CNTNAP3: variants seen among roughly 807,000 people sequenced by gnomAD.
CNTNAP3 encodes contactin-associated protein-like 3.
Under a neutral mutation model 92.1 loss-of-function variants are expected in CNTNAP3, and 36 were observed. The ratio of observed to expected loss-of-function variants is 0.39; its 90% confidence interval spans 0.30 to 0.52. The LOEUF is 0.52. CNTNAP3 is among the 20% of genes least tolerant of loss of function. The pLI is 0.76. For missense variants in CNTNAP3, 534 were observed against 1,069.6 expected (o/e 0.50, Z 6.98); for synonymous variants, 232 against 422.3 (o/e 0.55, Z 5.53).
Position 39,132,982 on chromosome 9 carries a change from T to C in CNTNAP3, c.2030A>G (p.Glu677Gly), listed in dbSNP as rs756606265. 1.9e-5 allele frequency: 29 copies of C among 1,542,122 alleles called. No homozygotes were observed. Among genetic ancestry groups the C allele is most frequent in the South Asian group, 4.7e-5 (4 of 84,796 alleles). Residue 677 changes from glutamate to glycine, a missense_variant, in exon 13 of 24, where the codon GAG becomes GGG. Glu to Gly is a moderately conservative substitution (Grantham distance 98, BLOSUM62 -2). Coordinates refer to ENST00000297668, the MANE Select transcript of CNTNAP3 (RefSeq NM_033655.5). ...RSAVNLAERC[E>G]QRLALRCGTA... ...CCCGCAGCGCAGAGCCAGCCGCTGC[T>C]CGCAGCGCTCCGCCAGGTTCACCGC...
chr9:39,080,296 C>A (rs1481893227), intron 21 of CNTNAP3, among the ~76,000 whole-genome samples: 1 of 138,286 alleles, frequency 7.2e-6, no homozygotes, highest in Admixed American at 6.9e-5. Context: ...CCTTTCTCAT[C>A]CCTCTCACCA....
chr9:39,130,067 G>C (rs569735454), intron 13 of CNTNAP3, among the ~76,000 whole-genome samples: 3 of 152,224 alleles, frequency 2.0e-5, no homozygotes, highest in Non-Finnish European at 2.9e-5. Context: ...AACCATTCTA[G>C]AAAACAATTT....
At chr9:39,079,103 A>G (rs1181278164) in intron 21 of CNTNAP3, among the ~76,000 whole-genome samples, 183 bp from the exon 22 acceptor site, 1 of 151,922 alleles carries the variant, frequency 6.6e-6, no homozygotes, top group African/African-American at 2.4e-5. Flanking sequence ...AACTATTTCC[A>G]TTGTCAGGGT....
chr9:39,161,656 C>CAATAATAATAAT (rs4062749), intron 9 of CNTNAP3, among the ~76,000 whole-genome samples: 51 of 124,382 alleles, frequency 4.1e-4, no homozygotes, highest in South Asian at 1.4e-3. Context: ...TCTCTACAAA[C>CAATAATAATAAT]AATAATAATA....
At position 39,071,572 on chromosome 9, in the gene CNTNAP3, C is replaced by T. The variant is rs1825635342; in HGVS notation, c.*2318G>A. On this transcript the variant is annotated 3_prime_UTR_variant, in exon 24 of 24. Coordinates refer to ENST00000297668, the MANE Select transcript of CNTNAP3 (RefSeq NM_033655.5). ...AAGTTGGGAAATTATTATGCTTTTA[C>T]TTTTATGTTACAAAAGGGTGTTACT... 6.6e-6 allele frequency among the ~76,000 whole-genome samples: 1 copy of T among 151,972 alleles called. No individual in the cohort carries two copies. The highest frequency in any genetic ancestry group is 1.5e-5 in the Non-Finnish European group (1 of 67,944).
intron 21 of CNTNAP3, among the ~76,000 whole-genome samples, chr9:39,083,793 C>T (rs1692834): frequency 0.26 from 33,647 of 129,720 alleles, 3,897 homozygotes; most frequent in East Asian, 0.41. Context: ...TTTTAGGTGT[C>T]TGCATTCTTT....
At chr9:39,136,858 C>T (rs1053392267) in intron 12 of CNTNAP3, among the ~76,000 whole-genome samples, 1 of 152,118 alleles carries the variant, frequency 6.6e-6, no homozygotes, top group African/African-American at 2.4e-5. Context: ...CAAGATCGTA[C>T]CATTGCACTC....
chr9:39,120,573 G>C (rs986599013), intron 13 of CNTNAP3, among the ~76,000 whole-genome samples: 3 of 152,094 alleles, frequency 2.0e-5, no homozygotes, highest in African/African-American at 7.2e-5. Flanking sequence ...AGGAGGCTGA[G>C]GCAGGAGAAT....
rs919389087 is a variant in CNTNAP3 at position 39,096,130 on chromosome 9, T to G, written c.2995+3781A>C. 5.8e-5 allele frequency among the ~76,000 whole-genome samples: 8 copies of G among 138,558 alleles called. 1 individual carries two copies. The highest frequency in any genetic ancestry group is 4.9e-4 in the Admixed American group (7 of 14,300). The allele number at this position is 138,558 out of a possible 152,430, so 90.9% of individuals were successfully genotyped here. A position where few individuals can be genotyped will look rare whatever the true frequency, so the allele number is the denominator to read the frequency against. On this transcript the variant is annotated intron_variant, in intron 18 of 23. Transcript: ENST00000297668. ...AGGCCCAACAATGAAAATATATACA[T>G]TATATATTTGTATATTCTCTATTAT...
intron 13 of CNTNAP3, among the ~76,000 whole-genome samples, chr9:39,126,091 C>A (rs948819521): frequency 3.3e-5 from 5 of 152,110 alleles, no homozygotes; most frequent in African/African-American, 4.8e-5. Flanking sequence ...TAAGTTAAAC[C>A]ACATTCTAGG....
chr9:39,119,674 G>A (rs1266972676), intron 13 of CNTNAP3, among the ~76,000 whole-genome samples: 1 of 152,070 alleles, frequency 6.6e-6, no homozygotes, highest in Non-Finnish European at 1.5e-5. Context: ...CTTCTACACT[G>A]ATAAAAGATC....
At chr9:39,102,152 C>A (rs376477570) in intron 17 of CNTNAP3, among the ~76,000 whole-genome samples, 10 of 152,330 alleles carry the variant, frequency 6.6e-5, no homozygotes, top group East Asian at 1.9e-4. Context: ...GTGGCACCTG[C>A]GCCTGTAATC....
intron 18 of CNTNAP3, among the ~76,000 whole-genome samples, chr9:39,094,351 T>C (rs1394553921): frequency 6.6e-6 from 1 of 151,648 alleles, no homozygotes; most frequent in African/African-American, 2.4e-5. Context: ...TACACAGAAG[T>C]TGTTAATTTT....
Position 39,067,708 on chromosome 9 carries a change from G to C in CNTNAP3, c.*6182C>G, listed in dbSNP as rs1243652118. Among the ~76,000 whole-genome samples, 28 of 152,128 alleles carry C rather than the reference G, an allele frequency of 1.8e-4. No individual in the cohort carries two copies. The highest frequency in any genetic ancestry group is 3.4e-3 in the Middle Eastern group (1 of 290). Reference sequence around the variant, plus strand: ...ACTGTGCCCGGCCTGGTGTTGGATAGTTTTATGTTACTGGAAATACATGTG... The same window carrying C: ...ACTGTGCCCGGCCTGGTGTTGGATACTTTTATGTTACTGGAAATACATGTG... On this transcript the variant is annotated 3_prime_UTR_variant, in exon 24 of 24. Coordinates refer to ENST00000297668, the MANE Select transcript of CNTNAP3 (RefSeq NM_033655.5).
At chr9:39,137,392 T>C (rs1264818340) in intron 12 of CNTNAP3, among the ~76,000 whole-genome samples, 1 of 152,212 alleles carries the variant, frequency 6.6e-6, no homozygotes, top group African/African-American at 2.4e-5. Flanking sequence ...ATTGTTCATC[T>C]GGTCTTGCAT....
chr9:39,077,679 G>T (rs1394983977), intron 23 of CNTNAP3, among the ~76,000 whole-genome samples: 1 of 152,204 alleles, frequency 6.6e-6, no homozygotes, highest in Non-Finnish European at 1.5e-5. Flanking sequence ...TAAAGTGTAT[G>T]CTCTGATAAT....
chr9:39,084,313 C>T lies in CNTNAP3; in HGVS notation c.3442+1423G>A, dbSNP rs554227028. Reference sequence around the variant, plus strand: ...GTTCACGCCATTCTCCTGCCTCAGCCTCCCGAGTAGCTGGGACTACAGGCG... The same window carrying T: ...GTTCACGCCATTCTCCTGCCTCAGCTTCCCGAGTAGCTGGGACTACAGGCG... On this transcript the variant is annotated intron_variant, in intron 21 of 23. Coordinates refer to ENST00000297668, the MANE Select transcript of CNTNAP3 (RefSeq NM_033655.5). 6.0e-3 allele frequency among the ~76,000 whole-genome samples: 905 copies of T among 151,720 alleles called. 23 individuals carry two copies. The South Asian group carries it at 0.085, about 14-fold the overall frequency.
At chr9:39,129,737 G>A (rs966863611) in intron 13 of CNTNAP3, among the ~76,000 whole-genome samples, 1 of 151,986 alleles carries the variant, frequency 6.6e-6, no homozygotes, top group Admixed American at 6.6e-5. Context: ...CACATATCCA[G>A]CAAAGGGCTA....
At chr9:39,114,567 T>C (rs1219754975) in intron 14 of CNTNAP3, among the ~76,000 whole-genome samples, 2 of 152,214 alleles carry the variant, frequency 1.3e-5, no homozygotes, top group Non-Finnish European at 2.9e-5. Flanking sequence ...AAATATTTTC[T>C]ATTCTTTTAG....
Sources: allele counts gnomAD v4.1 joint callset (sites outside exome capture counted in the v4.1 genomes callset), GRCh38; gene constraint gnomAD v4.1.1; transcripts MANE v1.5; gene names NCBI Gene and HGNC (gene_info 2026-07-23, HGNC 2026-07-21).